The following TOP3A variants were observed in gnomAD, a reference collection of about 807,000 sequenced individuals.
TOP3A encodes the protein DNA topoisomerase III alpha, also known as DNA topoisomerase 3-alpha.
TOP3A carries 64 observed loss-of-function variants against 111.3 expected under a neutral mutation model. That is an observed-to-expected ratio of 0.57 (90% CI 0.47 to 0.71). The LOEUF (loss-of-function observed/expected upper bound fraction) is 0.71, where lower values mean the gene tolerates loss of function less well. Ranked by LOEUF, TOP3A falls within the 30% of genes least tolerant of loss-of-function variation. TOP3A has a pLI of 0.00. For synonymous variants in TOP3A, 484 were observed against 485.1 expected (o/e 1.00, Z 0.03); for missense variants, 1,104 against 1,285.0 (o/e 0.86, Z 2.15).
chr17:18,280,445 C>A, intron 17 of TOP3A, 91 bp downstream of exon 17: 1 of 1,465,728 alleles, frequency 6.8e-7, no homozygotes, highest in Non-Finnish European at 9.2e-7. Context: ...TGAGTGGAAT[C>A]CCCGACACTC....
intron 10 of TOP3A, among the ~76,000 whole-genome samples, chr17:18,293,723 A>C (rs1438379431): frequency 1.3e-5 from 2 of 151,918 alleles, no homozygotes; most frequent in South Asian, 2.1e-4. Context: ...CAGCCTCCTA[A>C]GTAGCTGGGA....
At chr17:18,302,903 C>G (rs1239151742) in intron 5 of TOP3A, 180 bp from the exon 6 acceptor site, 2 of 648,716 alleles carry the variant, frequency 3.1e-6, no homozygotes. Flanking sequence ...GAAACATCAC[C>G]ATAACCTTTA....
chr17:18,293,604 T>C (rs1980613494), intron 10 of TOP3A, among the ~76,000 whole-genome samples: 1 of 145,362 alleles, frequency 6.9e-6, no homozygotes, highest in Admixed American at 6.8e-5. Context: ...GTAATTTTTG[T>C]TTCCCCCCAA....
In TOP3A at chr17:18,277,698, C is replaced by T. The variant is rs1979464910; in HGVS notation, c.2804G>A (p.Trp935Ter). The change falls in exon 18 of 19, where the codon TGG becomes TAG. Residue 935 changes from tryptophan (W) to a stop codon, truncating the protein, a stop_gained. Transcript: ENST00000321105. LOFTEE classifies it low-confidence loss of function (END_TRUNC). ...ACCTGGAGCGGTGTTCTCATCGACC[C>T]ACTGGAAAAAGCCACACTGCTGCTC... ...PREQQCGFFQ[W>*]VDENTAPGTS... The T allele has an allele frequency of 2.5e-6, 4 of 1,610,618 alleles. No homozygotes were observed. The South Asian group carries it at 3.3e-5, about 13-fold the overall frequency.
At chr17:18,275,484 C>CGA (rs1369125789) in intron 18 of TOP3A, among the ~76,000 whole-genome samples, 27 of 146,554 alleles carry the variant, frequency 1.8e-4, no homozygotes, top group South Asian at 2.2e-4. Flanking sequence ...CTCAGCCTCC[C>CGA]GAGTAGCTGG....
rs140822628 is a variant in TOP3A, at chr17:18,277,952, G to C, written c.2550C>G (p.Asp850Glu). 6.2e-7 allele frequency: 1 copy of C among 1,613,990 alleles called. No individual in the cohort carries two copies. The highest frequency in any genetic ancestry group is 8.5e-7 in the Non-Finnish European group (1 of 1,180,038). The change falls in exon 18 of 19, where the codon GAC (aspartate) becomes GAG (glutamate). Residue 850 changes from aspartate (D) to glutamate (E), a missense_variant. Asp to Glu is a conservative substitution (Grantham distance 45). Transcript: ENST00000321105. ...GCCCTCCTGCTCCCGGATTGGGGCT[G>C]TCTGCCCACAGGAAGAAGTTGCAGC... ...GGSCNFFLWADSPNPGAGGPP... is the reference protein window; with the variant it reads ...GGSCNFFLWAESPNPGAGGPP...
intron 9 of TOP3A, among the ~76,000 whole-genome samples, chr17:18,299,051 TA>T (rs955523111): frequency 1.4e-5 from 2 of 141,036 alleles, no homozygotes. Flanking sequence ...AATGATCAAT[TA>T]AAAAAAATAA....
rs1292243200 is a variant in TOP3A, at chr17:18,290,969, T to C, written c.1340A>G (p.Gln447Arg). The stretch of plus-strand genomic sequence containing the variant: ...TGTGGTCTCCTGCCCCTGAGCATCC[T>C]GGGAGCAGCAAGCCAGGAAATGGCG... ...IVRHFLACCS[Q>R]DAQGQETTVE... The change falls in exon 12 of 19, where the codon CAG becomes CGG. Residue 447 changes from glutamine to arginine, a missense_variant. Gln to Arg is a conservative substitution (Grantham distance 43). Transcript: ENST00000321105. 3 of 1,614,226 alleles carry C rather than the reference T, an allele frequency of 1.9e-6. No homozygotes were observed. Among genetic ancestry groups the C allele is most frequent in the South Asian group, 2.2e-5 (2 of 91,082 alleles).
intron 13 of TOP3A, among the ~76,000 whole-genome samples, chr17:18,286,203 A>G (rs1980086002): frequency 1.4e-5 from 2 of 141,520 alleles, no homozygotes; most frequent in South Asian, 4.5e-4. Context: ...CTCTTTAAAA[A>G]AAAAAAGAAA....
Position 18,273,916 on chromosome 17 carries a change from C to T in TOP3A, c.*886G>A, listed in dbSNP as rs563515955. 2 of 152,208 alleles carry T rather than the reference C, an allele frequency of 1.3e-5. No homozygotes were observed. Among genetic ancestry groups the T allele is most frequent in the Admixed American group, 1.3e-4 (2 of 15,278 alleles). The allele number at this position is 152,208 out of a possible 1,614,324, so 9.4% of individuals were successfully genotyped here. On this transcript the variant is annotated 3_prime_UTR_variant, in exon 19 of 19. Coordinates refer to ENST00000321105, the MANE Select transcript of TOP3A (RefSeq NM_004618.5). ...TGGATTACAGGTGTGAGCCTCCACG[C>T]CCTGCCGGGGTTGGATTCTTTTTAT... is the stretch of plus-strand genomic sequence containing the variant.
intron 3 of TOP3A, among the ~76,000 whole-genome samples, chr17:18,307,932 C>T (rs139315230): frequency 0.02 from 2,745 of 135,228 alleles, 133 homozygotes; most frequent in East Asian, 0.16. Context: ...AAAAAAAAAC[C>T]GGGCATGGTG....
At chr17:18,275,137 G>A (rs999048452) in intron 18 of TOP3A, among the ~76,000 whole-genome samples, 157 bp from the exon 19 acceptor site, 1 of 151,888 alleles carries the variant, frequency 6.6e-6, no homozygotes, top group Non-Finnish European at 1.5e-5. Context: ...TGGGCAACAT[G>A]GTGAAACCTT....
chr17:18,302,882 T>C lies in TOP3A; in HGVS notation c.500-159A>G. The C allele has an allele frequency of 5.2e-6, 4 of 772,144 alleles. No individual in the cohort carries two copies. In the South Asian group the frequency reaches 7.8e-5, roughly 15 times the overall value. The allele number at this position is 772,144 out of a possible 1,614,324, so 47.8% of individuals were successfully genotyped here. A position where few individuals can be genotyped will look rare whatever the true frequency, so the allele number is the denominator to read the frequency against. On this transcript the variant is annotated intron_variant, in intron 5 of 18. Coordinates refer to ENST00000321105, the MANE Select transcript of TOP3A (RefSeq NM_004618.5). Reference sequence around the variant, plus strand: ...ATTAGGTTAAATCAATGGTGTACAGTGTCTAAAGAGGAAACATCACCATAA... The same window carrying C: ...ATTAGGTTAAATCAATGGTGTACAGCGTCTAAAGAGGAAACATCACCATAA...
chr17:18,295,375 T>G (rs1416579605), intron 9 of TOP3A, among the ~76,000 whole-genome samples: 1 of 152,174 alleles, frequency 6.6e-6, no homozygotes, highest in South Asian at 2.1e-4. Context: ...CTCGAACACC[T>G]GACCTCAGGT....
Position 18,274,541 on chromosome 17 carries a change from C to T in TOP3A, c.*261G>A, listed in dbSNP as rs922612793. On this transcript the variant is annotated 3_prime_UTR_variant, in exon 19 of 19. Transcript: ENST00000321105. ...TAACAGCAACCATCCTTGGGGGGTC[C>T]GAGGGAGCAGCTGCGTGACTTTTCA... 2 of 366,650 alleles carry T rather than the reference C, an allele frequency of 5.5e-6. No homozygotes were observed. Among genetic ancestry groups the T allele is most frequent in the Non-Finnish European group, 4.8e-6 (1 of 209,824 alleles). 22.7% of individuals were successfully genotyped at this position (366,650 alleles called of 1,614,324 possible).
intron 7 of TOP3A, 105 bp downstream of exon 7, chr17:18,302,159 G>A: frequency 6.9e-7 from 1 of 1,446,040 alleles, no homozygotes; most frequent in Non-Finnish European, 9.4e-7. Flanking sequence ...ATGACAGCAA[G>A]ACTAAAATAA....
chr17:18,302,866 A>C (rs1158619430), intron 5 of TOP3A, 143 bp from the exon 6 acceptor site: 1 of 904,590 alleles, frequency 1.1e-6, no homozygotes, highest in Admixed American at 2.8e-5. Context: ...TATTAGGTTA[A>C]ATCAATGGTG....
At chr17:18,291,394 G>T (rs1368414608) in intron 11 of TOP3A, among the ~76,000 whole-genome samples, 7 of 152,226 alleles carry the variant, frequency 4.6e-5, no homozygotes, top group African/African-American at 1.7e-4. Context: ...CCAACTTCAT[G>T]CACACATTTA....
intron 1 of TOP3A, chr17:18,312,735 T>C (rs1314529065): frequency 4.7e-5 from 9 of 192,716 alleles, no homozygotes; most frequent in Non-Finnish European, 9.0e-5. Context: ...TGGCTGGAAC[T>C]GCCATCTTGG....
Sources: gnomAD v4.1 joint callset for allele counts (sites outside exome capture counted in the v4.1 genomes callset) on GRCh38, gnomAD v4.1.1 for gene constraint, MANE v1.5 for transcripts, NCBI Gene and HGNC (gene_info 2026-07-23, HGNC 2026-07-21) for gene names.